Variants in CIB1 observed in about 807,000 individuals in gnomAD.
CIB1 encodes calcium and integrin binding 1, also known as calcium and integrin-binding protein 1.
CIB1 carries 19 observed loss-of-function variants against 25.0 expected under a neutral mutation model. The ratio of observed to expected loss-of-function variants is 0.76; its 90% CI spans 0.53 to 1.12. The LOEUF is 1.12. Ranked by LOEUF, CIB1 falls within the 50% of genes most tolerant of loss-of-function variation. The probability of loss-of-function intolerance (pLI) is 0.00; values close to 1 mark genes in which losing one functional copy is unlikely to be tolerated. For missense variants in CIB1, 236 were observed against 242.6 expected, an observed-to-expected ratio of 0.97 and a Z score of 0.18; for synonymous variants, 104 against 98.5, an observed-to-expected ratio of 1.06 and a Z score of -0.33.
the CIB1 span, among the ~76,000 whole-genome samples, chr15:90,260,154 C>G: frequency 6.6e-6 from 1 of 152,132 alleles, no homozygotes; most frequent in African/African-American, 2.4e-5. Flanking sequence ...CAGTACTGGA[C>G]TAAATAAACA....
rs544801127 is a variant in CIB1, at chr15:90,230,426, C to T, written c.*58G>A. On this transcript the variant is annotated 3_prime_UTR_variant, in exon 7 of 7. Coordinates refer to ENST00000328649, the MANE Select transcript of CIB1 (RefSeq NM_006384.4). ...GGCAACACAGGCTTGACCTTGGCCA[C>T]AGCTCAGCAGTAGAAAGGTTCTTGG... 19 of 1,545,868 alleles carry T rather than the reference C, an allele frequency of 1.2e-5. No homozygotes were observed. The East Asian group carries it at 3.7e-4, about 30-fold the overall frequency.
the CIB1 span, chr15:90,262,582 A>G: frequency 2.6e-6 from 4 of 1,534,932 alleles, no homozygotes; most frequent in Middle Eastern, 5.0e-4. Flanking sequence ...ACCAGGGTGA[A>G]TCAGCTGGGG....
chr15:90,258,122 C>G, the CIB1 span: 6 of 1,614,134 alleles, frequency 3.7e-6, no homozygotes, highest in Admixed American at 1.7e-5. Flanking sequence ...ACATCATCAT[C>G]AAAACCATCA....
the CIB1 span, chr15:90,258,190 A>ATGG: frequency 6.2e-7 from 1 of 1,614,132 alleles, no homozygotes; most frequent in Admixed American, 1.7e-5. Flanking sequence ...CAGTATCTGA[A>ATGG]TGGAGGTACA....
chr15:90,247,934 G>A, the CIB1 span, among the ~76,000 whole-genome samples: 5 of 151,680 alleles, frequency 3.3e-5, no homozygotes, highest in African/African-American at 1.2e-4. Flanking sequence ...GTAGAGAGGG[G>A]GTTTCACCGT....
At chr15:90,258,624 G>C in the CIB1 span, 1 of 861,258 alleles carries the variant, frequency 1.2e-6, no homozygotes, top group Non-Finnish European at 1.8e-6. Flanking sequence ...AGAGCATCCA[G>C]CCTCCCCGGC....
chr15:90,231,245 C>A (rs768294875), intron 4 of CIB1, 32 bp from the exon 5 acceptor site: 1 of 1,612,060 alleles, frequency 6.2e-7, no homozygotes, highest in Non-Finnish European at 8.5e-7. Context: ...CCAAAAGACA[C>A]GGTTGGGAGG....
upstream of CIB1, among the ~76,000 whole-genome samples, chr15:90,238,081 C>T (rs1440089669): frequency 1.3e-5 from 2 of 152,180 alleles, no homozygotes; most frequent in Non-Finnish European, 2.9e-5. Flanking sequence ...AGGTGGATCA[C>T]CTGAGGTCAG....
At chr15:90,233,777 C>G in intron 1 of CIB1, 58 bp downstream of exon 1, 2 of 1,551,550 alleles carry the variant, frequency 1.3e-6, no homozygotes, top group Non-Finnish European at 8.7e-7. Context: ...AGCTCCCGGA[C>G]CCTGCTCCCG....
chr15:90,257,482 T>A, the CIB1 span, among the ~76,000 whole-genome samples: 1 of 152,006 alleles, frequency 6.6e-6, no homozygotes, highest in African/African-American at 2.4e-5. Flanking sequence ...CAGCACACAC[T>A]CTTCCCCAGG....
intron 1 of CIB1, 66 bp from the exon 2 acceptor site, chr15:90,233,769 C>T: frequency 6.4e-7 from 1 of 1,551,810 alleles, no homozygotes; most frequent in Admixed American, 2.0e-5. Flanking sequence ...CCGCAGCCAG[C>T]TCCCGGACCC....
chr15:90,247,435 G>A, the CIB1 span, among the ~76,000 whole-genome samples: 1 of 151,066 alleles, frequency 6.6e-6, no homozygotes, highest in African/African-American at 2.5e-5. Flanking sequence ...TCCTAGCCAG[G>A]AGGAGAGTTT....
chr15:90,259,200 A>C, the CIB1 span: 1 of 464,608 alleles, frequency 2.2e-6, no homozygotes, highest in Non-Finnish European at 3.6e-6. Context: ...TGTCCCTAAA[A>C]CACAAAAAAG....
chr15:90,243,657 T>TG, the CIB1 span: 3 of 89,160 alleles, frequency 3.4e-5, no homozygotes, highest in African/African-American at 6.4e-5. Context: ...TTTTTTTTTT[T>TG]TTTTTTTTTT....
the CIB1 span, chr15:90,265,260 A>C: frequency 7.9e-7 from 1 of 1,268,004 alleles, no homozygotes; most frequent in Non-Finnish European, 1.0e-6. Context: ...TCTGAACCCT[A>C]GGTGCGGCCC....
chr15:90,252,065 G>GTT, the CIB1 span, among the ~76,000 whole-genome samples: 1 of 87,506 alleles, frequency 1.1e-5, no homozygotes, highest in African/African-American at 3.6e-5. Context: ...TTGAGACCGA[G>GTT]TTTTGCTCTT....
upstream of CIB1, among the ~76,000 whole-genome samples, chr15:90,238,833 A>G (rs1194047763): frequency 2.0e-5 from 3 of 152,102 alleles, no homozygotes; most frequent in African/African-American, 7.2e-5. Flanking sequence ...CTCAGGTATG[A>G]TTTTCTGGAG....
the CIB1 span, chr15:90,262,083 G>A: frequency 7.4e-5 from 114 of 1,535,834 alleles, no homozygotes; most frequent in Admixed American, 2.6e-4. Flanking sequence ...GGAAAATACC[G>A]GCGGATCTAC....
At chr15:90,248,216 A>C in the CIB1 span, among the ~76,000 whole-genome samples, 4 of 152,150 alleles carry the variant, frequency 2.6e-5, no homozygotes, top group Admixed American at 6.5e-5. Context: ...ATTCTATGAA[A>C]GATTTTGAGG....
Sources: gnomAD v4.1 joint callset for allele counts (sites outside exome capture counted in the v4.1 genomes callset) on GRCh38, gnomAD v4.1.1 for gene constraint, MANE v1.5 for transcripts, NCBI Gene and HGNC (gene_info 2026-07-23, HGNC 2026-07-21) for gene names.